The following RUFY3 variants were observed in gnomAD, a reference collection of about 807,000 sequenced individuals.
The protein encoded by RUFY3 is RUN and FYVE domain containing 3.
RUFY3 carries 34 observed loss-of-function variants against 84.0 expected under a neutral mutation model. That is an observed-to-expected ratio of 0.40 (90% CI 0.31 to 0.54). The LOEUF is 0.54. Ranked by LOEUF, RUFY3 falls within the 20% of genes least tolerant of loss-of-function variation. The pLI, the probability that RUFY3 is intolerant of heterozygous loss-of-function variation, is 0.39. For synonymous variants in RUFY3, 242 were observed against 252.9 expected, an observed-to-expected ratio of 0.96 and a Z score of 0.41; for missense variants, 507 against 736.8, an observed-to-expected ratio of 0.69 and a Z score of 3.61.
chr4:70,776,730 C>T (rs1459349963), intron 7 of RUFY3, among the ~76,000 whole-genome samples: 4 of 152,186 alleles, frequency 2.6e-5, no homozygotes, highest in South Asian at 2.1e-4. Context: ...AAGCCGAGAT[C>T]GCGCCACTGC....
chr4:70,780,226 G>A (rs961890340), intron 8 of RUFY3, among the ~76,000 whole-genome samples: 2 of 152,072 alleles, frequency 1.3e-5, no homozygotes, highest in African/African-American at 2.4e-5. Context: ...CTAAAGTTAG[G>A]CTACTTGGGT....
At chr4:70,740,293 C>A (rs569679730) in intron 1 of RUFY3, among the ~76,000 whole-genome samples, 29 of 152,282 alleles carry the variant, frequency 1.9e-4, no homozygotes, top group Non-Finnish European at 4.0e-4. Context: ...CACTCTGATA[C>A]TTAAAACTTT....
chr4:70,743,385 A>G (rs1251241068), intron 1 of RUFY3, among the ~76,000 whole-genome samples: 1 of 152,082 alleles, frequency 6.6e-6, no homozygotes. Context: ...TATCATTATT[A>G]TTAATTATTG....
intron 4 of RUFY3, among the ~76,000 whole-genome samples, chr4:70,765,085 G>A (rs1326032877): frequency 4.0e-5 from 6 of 151,480 alleles, no homozygotes; most frequent in East Asian, 1.9e-4. Context: ...CTACTTGGGC[G>A]GCTGAGGCAC....
At chr4:70,783,061 A>G (rs1188597362) in intron 8 of RUFY3, 30 bp from the exon 9 acceptor site, 4 of 1,322,146 alleles carry the variant, frequency 3.0e-6, no homozygotes, top group Middle Eastern at 5.1e-4. Context: ...TTAAAAAGAT[A>G]AAAGATTATT....
At chr4:70,734,535 C>T (rs6856051) in intron 1 of RUFY3, 16 of 985,232 alleles carry the variant, frequency 1.6e-5, no homozygotes, top group Middle Eastern at 5.2e-4. Context: ...TTTCTGGACA[C>T]GGTTCATCCC....
intron 5 of RUFY3, among the ~76,000 whole-genome samples, chr4:70,773,136 A>T (rs1013348308): frequency 2.6e-5 from 4 of 152,178 alleles, no homozygotes; most frequent in Admixed American, 2.6e-4. Flanking sequence ...TTTTAGCTGT[A>T]TTTTCTGAAA....
intron 1 of RUFY3, among the ~76,000 whole-genome samples, chr4:70,729,570 T>C (rs1718879246): frequency 6.6e-6 from 1 of 152,168 alleles, no homozygotes; most frequent in Non-Finnish European, 1.5e-5. Flanking sequence ...TTCTCTCCTC[T>C]TAACTGGGAA....
At chr4:70,704,160 T>TG (rs1739992574), upstream of RUFY3, 1 of 152,228 alleles carries the variant, frequency 6.6e-6, no homozygotes, top group South Asian at 2.1e-4. Context: ...AATGCACTCA[T>TG]GCGCACCCGC....
At chr4:70,784,532 T>C (rs1489373562) in intron 9 of RUFY3, among the ~76,000 whole-genome samples, 1 of 151,980 alleles carries the variant, frequency 6.6e-6, no homozygotes, top group East Asian at 1.9e-4. Context: ...TTGAAATGAA[T>C]GCTATGTTAT....
chr4:70,774,458 A>G (rs1203592701), intron 6 of RUFY3, among the ~76,000 whole-genome samples: 1 of 149,808 alleles, frequency 6.7e-6, no homozygotes. Context: ...TAATACAAAA[A>G]AAAAAAAATA....
chr4:70,720,750 A>G (rs1742177919), upstream of RUFY3, among the ~76,000 whole-genome samples: 1 of 152,172 alleles, frequency 6.6e-6, no homozygotes. Flanking sequence ...ACAAAAACAA[A>G]CAAACACTTT....
At chr4:70,714,045 C>T (rs1047619979) in intron 1 of RUFY3, among the ~76,000 whole-genome samples, 12 of 152,236 alleles carry the variant, frequency 7.9e-5, no homozygotes, top group South Asian at 2.1e-4. Flanking sequence ...CATTTAACTC[C>T]GAAATGGTTA....
At chr4:70,714,552 G>C (rs1741359697) in intron 1 of RUFY3, among the ~76,000 whole-genome samples, 1 of 152,118 alleles carries the variant, frequency 6.6e-6, no homozygotes, top group South Asian at 2.1e-4. Context: ...CTGTTTGTTG[G>C]GGCATAAATA....
At chr4:70,797,984 GTTTT>G (rs1731739727) in intron 14 of RUFY3, among the ~76,000 whole-genome samples, 1 of 152,126 alleles carries the variant, frequency 6.6e-6, no homozygotes, top group Non-Finnish European at 1.5e-5. Flanking sequence ...TTCCAATGAG[GTTTT>G]AAGTTTTTCA....
rs147157183 is a variant in RUFY3 at position 70,722,732 on chromosome 4, C to T, written c.159C>T (p.Asp53=). 105 of 1,613,994 alleles carry T rather than the reference C, an allele frequency of 6.5e-5. No homozygotes were observed. The African/African-American group carries it at 1.3e-3, about 20-fold the overall frequency. The part of the protein sequence containing the change: ...RELDDISLTP[D]PEPTHEDPNY... ...TGGATGACATCTCACTTACACCTGACCCAGAGCCTACCCATGAAGGTATGG... is the reference window on the plus strand; with the variant it reads ...TGGATGACATCTCACTTACACCTGATCCAGAGCCTACCCATGAAGGTATGG... The change falls in exon 1 of 18, where the codon GAC becomes GAT. Residue 53 remains aspartate (D), a synonymous_variant. Transcript: ENST00000381006.
Position 70,802,968 on chromosome 4 carries a change from C to T in RUFY3, c.1635C>T (p.His545=). Residue 545 remains histidine, a synonymous_variant, in exon 16 of 18, where the codon CAC becomes CAT. Transcript: ENST00000381006. ...TTCTCCATTGTAGGCTGCAACCCCACCCTATGGATGAACAGGTAACAGAGC... is the reference window on the plus strand; with the variant it reads ...TTCTCCATTGTAGGCTGCAACCCCATCCTATGGATGAACAGGTAACAGAGC... ...PLEESHRLQP[H]PMDEQDQLLL... 1 of 1,608,788 alleles carries T rather than the reference C, an allele frequency of 6.2e-7. No homozygotes were observed. Among genetic ancestry groups the T allele is most frequent in the Middle Eastern group, 1.7e-4 (1 of 6,046 alleles).
chr4:70,789,453 A>G (rs753097796), intron 11 of RUFY3, 42 bp from the exon 12 acceptor site: 8 of 1,555,510 alleles, frequency 5.1e-6, no homozygotes, highest in Non-Finnish European at 7.0e-6. Context: ...GTATTTTAGG[A>G]TTTATGTTAT....
At chr4:70,759,321 T>C (rs1395615298) in intron 1 of RUFY3, among the ~76,000 whole-genome samples, 1 of 152,004 alleles carries the variant, frequency 6.6e-6, no homozygotes, top group Non-Finnish European at 1.5e-5. Context: ...CATGTTGCCA[T>C]GAATCATAGG....
Sources: gnomAD v4.1 joint callset for allele counts (sites outside exome capture counted in the v4.1 genomes callset) on GRCh38, gnomAD v4.1.1 for gene constraint, MANE v1.5 for transcripts, NCBI Gene and HGNC (gene_info 2026-07-23, HGNC 2026-07-21) for gene names.